Variants in SHB observed in about 807,000 individuals in gnomAD.
The protein encoded by SHB is SH2 domain containing adaptor protein B, also known as SH2 domain-containing adapter protein B.
Under a neutral mutation model 52.3 loss-of-function variants are expected in SHB, and 20 were observed. The ratio of observed to expected loss-of-function variants is 0.38; its 90% CI spans 0.27 to 0.56. SHB has a LOEUF of 0.56. Among genes scored for constraint, SHB ranks in the 20% least tolerant of loss-of-function variants. SHB has a pLI of 0.71. For synonymous variants in SHB, 397 were observed against 316.5 expected, an observed-to-expected ratio of 1.25 and a Z score of -2.70; for missense variants, 825 against 723.3, an observed-to-expected ratio of 1.14 and a Z score of -1.61.
At chr9:37,934,993 A>T (rs1393545487) in intron 5 of SHB, among the ~76,000 whole-genome samples, 1 of 152,244 alleles carries the variant, frequency 6.6e-6, no homozygotes, top group Non-Finnish European at 1.5e-5. Context: ...CAGATCCCAC[A>T]GAAGTAAAAC....
intron 2 of SHB, among the ~76,000 whole-genome samples, chr9:38,005,019 C>A (rs1211841266): frequency 6.6e-6 from 1 of 152,196 alleles, no homozygotes; most frequent in Non-Finnish European, 1.5e-5. Flanking sequence ...AAGTTCCAGG[C>A]CAAAACCTCA....
intron 2 of SHB, among the ~76,000 whole-genome samples, chr9:38,003,998 C>G (rs1160562532): frequency 2.6e-5 from 4 of 152,180 alleles, no homozygotes; most frequent in Admixed American, 6.5e-5. Flanking sequence ...CTATCTCAGG[C>G]CCATGTGCTT....
chr9:37,925,211 G>T (rs1832233950), intron 5 of SHB, among the ~76,000 whole-genome samples: 1 of 152,222 alleles, frequency 6.6e-6, no homozygotes, highest in Non-Finnish European at 1.5e-5. Context: ...CTCCCCTCCA[G>T]ACGTAAGCTT....
At chr9:38,011,951 C>T (rs558784411) in intron 2 of SHB, among the ~76,000 whole-genome samples, 1 of 152,034 alleles carries the variant, frequency 6.6e-6, no homozygotes, top group Admixed American at 6.5e-5. Context: ...CAATTGGGCT[C>T]GGAGGTTTGT....
intron 4 of SHB, among the ~76,000 whole-genome samples, 177 bp from the exon 5 acceptor site, chr9:37,948,931 T>C (rs1318979117): frequency 6.6e-6 from 1 of 152,006 alleles, no homozygotes; most frequent in African/African-American, 2.4e-5. Flanking sequence ...GAGAGCACAG[T>C]GAACAAAACC....
At chr9:38,025,463 G>T (rs1821330066) in intron 1 of SHB, among the ~76,000 whole-genome samples, 2 of 152,194 alleles carry the variant, frequency 1.3e-5, no homozygotes, top group South Asian at 4.1e-4. Context: ...CAGGAAAGCT[G>T]GTTACTAAGC....
chr9:37,952,511 G>C (rs903227944), intron 4 of SHB, among the ~76,000 whole-genome samples: 4 of 152,196 alleles, frequency 2.6e-5, no homozygotes, highest in African/African-American at 9.7e-5. Flanking sequence ...ACAGCAATAA[G>C]AGTTTTAAGA....
intron 2 of SHB, among the ~76,000 whole-genome samples, chr9:37,996,619 T>A (rs541036842): frequency 8.1e-4 from 123 of 152,330 alleles, no homozygotes; most frequent in African/African-American, 2.8e-3. Context: ...TGTCCACTGA[T>A]GTGCTGGCTC....
intron 3 of SHB, among the ~76,000 whole-genome samples, chr9:37,973,825 AG>A (rs1056750224): frequency 6.6e-6 from 1 of 152,174 alleles, no homozygotes; most frequent in Non-Finnish European, 1.5e-5. Context: ...CTGGGATAGA[AG>A]ACACAGTGGT....
chr9:37,932,562 C>CAAAAA lies in SHB; in HGVS notation c.1347-12563_1347-12559dup, dbSNP rs74171537. On this transcript the variant is annotated intron_variant, in intron 5 of 5. Coordinates refer to ENST00000377707, the MANE Select transcript of SHB (RefSeq NM_003028.3). ...GAGTAGATGTTAGCTGCTCTAGCCA[C>CAAAAA]AAAAAAAAAAAAAAAAAAAGGTAAC... is the stretch of plus-strand genomic sequence containing the variant. Among the ~76,000 whole-genome samples, 117 of 86,718 alleles carry CAAAAA rather than the reference C, an allele frequency of 1.3e-3. 1 individual carries two copies. Among genetic ancestry groups the CAAAAA allele is most frequent in the African/African-American group, 4.5e-3 (109 of 24,162 alleles). The allele number at this position is 86,718 out of a possible 152,430, so 56.9% of individuals were successfully genotyped here.
At chr9:38,051,335 C>T (rs1388223898) in intron 1 of SHB, among the ~76,000 whole-genome samples, 3 of 151,060 alleles carry the variant, frequency 2.0e-5, no homozygotes, top group Non-Finnish European at 2.9e-5. Context: ...CTCAGCTACT[C>T]GGGAGGCTGA....
intron 2 of SHB, among the ~76,000 whole-genome samples, chr9:38,009,742 T>A (rs1009603010): frequency 6.6e-6 from 1 of 152,182 alleles, no homozygotes; most frequent in African/African-American, 2.4e-5. Flanking sequence ...GGACGGTGCC[T>A]ACTAGCACAC....
chr9:38,057,011 T>C (rs1007018105), intron 1 of SHB, among the ~76,000 whole-genome samples: 2 of 152,198 alleles, frequency 1.3e-5, no homozygotes, highest in Non-Finnish European at 2.9e-5. Context: ...ACTTGTAAGG[T>C]CTTTCTAGAA....
chr9:37,955,490 T>A (rs576008889), intron 4 of SHB, among the ~76,000 whole-genome samples: 9 of 152,220 alleles, frequency 5.9e-5, no homozygotes, highest in East Asian at 5.8e-4. Context: ...TTATTTATTT[T>A]TTTTTGAGAC....
chr9:38,035,751 T>C (rs945562139), intron 1 of SHB, among the ~76,000 whole-genome samples: 4 of 152,160 alleles, frequency 2.6e-5, no homozygotes, highest in African/African-American at 9.7e-5. Context: ...CTGAGGGTCA[T>C]ACAGTACTCC....
At chr9:37,971,225 AGATG>A (rs1820587033) in intron 3 of SHB, among the ~76,000 whole-genome samples, 1 of 152,244 alleles carries the variant, frequency 6.6e-6, no homozygotes, top group East Asian at 1.9e-4. Context: ...ACACACATGC[AGATG>A]GATGTACACT....
chr9:37,982,454 C>T (rs1420635787), intron 2 of SHB, among the ~76,000 whole-genome samples: 1 of 151,966 alleles, frequency 6.6e-6, no homozygotes, highest in African/African-American at 2.4e-5. Context: ...GATTGCGCCA[C>T]TTTACTCCAG....
At chr9:37,973,186 G>A (rs1314541456) in intron 3 of SHB, among the ~76,000 whole-genome samples, 1 of 152,154 alleles carries the variant, frequency 6.6e-6, no homozygotes, top group Non-Finnish European at 1.5e-5. Flanking sequence ...CATTCGGGTT[G>A]CTCTCCATTT....
chr9:38,049,919 C>A (rs1291616252), intron 1 of SHB, among the ~76,000 whole-genome samples: 1 of 151,928 alleles, frequency 6.6e-6, no homozygotes, highest in African/African-American at 2.4e-5. Flanking sequence ...CCTGCCTCAA[C>A]CTACCAAGTA....
Sources: allele counts gnomAD v4.1 joint callset (sites outside exome capture counted in the v4.1 genomes callset), GRCh38; gene constraint gnomAD v4.1.1; transcripts MANE v1.5; gene names NCBI Gene and HGNC (gene_info 2026-07-23, HGNC 2026-07-21).